The following TOM1L2 variants were observed in gnomAD, a reference collection of about 807,000 sequenced individuals.
TOM1L2 encodes the protein target of myb1 like 2 membrane trafficking protein.
Under a neutral mutation model 67.9 loss-of-function variants are expected in TOM1L2, and 31 were observed. The observed-to-expected ratio is 0.46, with a 90% CI of 0.34 to 0.62. TOM1L2 has a LOEUF of 0.62. TOM1L2 is among the 20% of genes least tolerant of loss of function. The pLI is 0.01. For missense variants in TOM1L2, 606 were observed against 663.5 expected, an observed-to-expected ratio of 0.91 and a Z score of 0.95; for synonymous variants, 256 against 254.0, an observed-to-expected ratio of 1.01 and a Z score of -0.07.
Position 17,898,507 on chromosome 17 carries a change from T to C in TOM1L2, c.216+89A>G, listed in dbSNP as rs2038687108. The C allele has an allele frequency of 2.2e-6, 3 of 1,349,226 alleles. No homozygotes were observed. The South Asian group carries it at 3.5e-5, about 16-fold the overall frequency. 83.6% of individuals were successfully genotyped at this position (1,349,226 alleles called of 1,614,324 possible). On this transcript the variant is annotated intron_variant, in intron 3 of 14. Transcript: ENST00000379504. ...CAAGCCATTCAGAGGTTGTGCTAAG[T>C]GGGCAGAGGGAAGGCCCTGTGAGGG...
At chr17:17,939,840 T>C (rs2040657347) in intron 1 of TOM1L2, among the ~76,000 whole-genome samples, 1 of 152,122 alleles carries the variant, frequency 6.6e-6, no homozygotes, top group African/African-American at 2.4e-5. Flanking sequence ...GAGTCCCCAT[T>C]ATGTAGGAGG....
At chr17:17,908,510 G>A (rs1233352354) in intron 1 of TOM1L2, among the ~76,000 whole-genome samples, 2 of 152,116 alleles carry the variant, frequency 1.3e-5, no homozygotes, top group Non-Finnish European at 2.9e-5. Flanking sequence ...ACCTGCAGAG[G>A]AAGAAAATAT....
chr17:17,950,025 C>T (rs932092315), intron 1 of TOM1L2, among the ~76,000 whole-genome samples: 3 of 151,872 alleles, frequency 2.0e-5, no homozygotes, highest in Non-Finnish European at 4.4e-5. Flanking sequence ...CGCCCACCAC[C>T]ATGCCTGGCT....
At chr17:17,896,134 T>C (rs1039434065) in intron 3 of TOM1L2, among the ~76,000 whole-genome samples, 1 of 152,078 alleles carries the variant, frequency 6.6e-6, no homozygotes, top group Admixed American at 6.5e-5. Context: ...ATTCACTCTC[T>C]TGTAGTGATC....
At chr17:17,876,012 T>C (rs1414518010) in intron 7 of TOM1L2, among the ~76,000 whole-genome samples, 1 of 152,258 alleles carries the variant, frequency 6.6e-6, no homozygotes, top group East Asian at 1.9e-4. Context: ...GCCTCTGTTA[T>C]TATCTTATGC....
rs534531332 is a variant in TOM1L2, at chr17:17,945,962, G to A, written c.52+26300C>T. Among the ~76,000 whole-genome samples the A allele has an allele frequency of 2.6e-5, 4 of 152,088 alleles. No individual in the cohort carries two copies. In the East Asian group the frequency reaches 5.8e-4, roughly 22 times the overall value. ...TGGCTCACTGCAGTCTCAACCTCCC[G>A]GGCTCAGGTGATCCTCCCACCTCAG... On this transcript the variant is annotated intron_variant, in intron 1 of 14. Coordinates refer to ENST00000379504, the MANE Select transcript of TOM1L2 (RefSeq NM_001082968.2).
intron 1 of TOM1L2, among the ~76,000 whole-genome samples, chr17:17,920,476 G>A (rs1423433316): frequency 6.6e-6 from 1 of 151,354 alleles, no homozygotes; most frequent in Non-Finnish European, 1.5e-5. Context: ...AAGCAGCTGG[G>A]ACTACATGTG....
At chr17:17,914,788 C>T (rs1282341571) in intron 1 of TOM1L2, among the ~76,000 whole-genome samples, 1 of 152,090 alleles carries the variant, frequency 6.6e-6, no homozygotes, top group Non-Finnish European at 1.5e-5. Flanking sequence ...AGAGCAGGGG[C>T]TTGGAGGCAC....
chr17:17,934,516 C>T (rs992072035), intron 1 of TOM1L2, among the ~76,000 whole-genome samples: 1 of 152,176 alleles, frequency 6.6e-6, no homozygotes, highest in Non-Finnish European at 1.5e-5. Flanking sequence ...GCCCCTGATA[C>T]GGTAACAATG....
At position 17,879,710 on chromosome 17, in the gene TOM1L2, G is replaced by C; in HGVS notation, c.694C>G (p.Arg232Gly). 1 of 1,614,182 alleles carries C rather than the reference G, an allele frequency of 6.2e-7. No individual in the cohort carries two copies. Among genetic ancestry groups the C allele is most frequent in the East Asian group, 2.2e-5 (1 of 44,888 alleles). ...ARLRSELDVVRGNTKVMSEML... is the reference protein window; with the variant it reads ...ARLRSELDVVGGNTKVMSEML... ...TCAGACATGACTTTTGTGTTTCCTC[G>C]AACGACGTCCAGTTCACTCCGCAGC... Residue 232 changes from arginine to glycine, a missense_variant, in exon 7 of 15, where the codon CGA becomes GGA. Arg to Gly is a moderately radical substitution (Grantham distance 125). Coordinates refer to ENST00000379504, the MANE Select transcript of TOM1L2 (RefSeq NM_001082968.2).
intron 8 of TOM1L2, among the ~76,000 whole-genome samples, chr17:17,867,474 G>A (rs2036920041): frequency 6.6e-6 from 1 of 152,198 alleles, no homozygotes; most frequent in Non-Finnish European, 1.5e-5. Flanking sequence ...CTAGGAGGGT[G>A]GAGTGAGTGT....
intron 7 of TOM1L2, chr17:17,872,169 A>G: frequency 2.7e-6 from 1 of 376,320 alleles, no homozygotes; most frequent in Non-Finnish European, 3.7e-6. Flanking sequence ...CACTCATTAC[A>G]GAATGAAGCA....
intron 1 of TOM1L2, among the ~76,000 whole-genome samples, chr17:17,951,441 G>C (rs1014280991): frequency 5.3e-5 from 8 of 152,184 alleles, no homozygotes; most frequent in African/African-American, 1.9e-4. Flanking sequence ...AGATTCTCAA[G>C]CCTCATGTGT....
intron 1 of TOM1L2, among the ~76,000 whole-genome samples, chr17:17,962,415 C>G (rs1597475706): frequency 6.6e-6 from 1 of 151,736 alleles, no homozygotes; most frequent in South Asian, 2.1e-4. Flanking sequence ...CCTCCTCTAG[C>G]AATTCTCCTG....
intron 8 of TOM1L2, among the ~76,000 whole-genome samples, chr17:17,867,298 T>C (rs2036905661): frequency 6.6e-6 from 1 of 152,014 alleles, no homozygotes; most frequent in South Asian, 2.1e-4. Context: ...AGCAACTAGC[T>C]AGTGTTCCTA....
At position 17,909,097 on chromosome 17, in the gene TOM1L2, C is replaced by T. The variant is rs548025932; in HGVS notation, c.53-1566G>A. On this transcript the variant is annotated intron_variant, in intron 1 of 14. Transcript: ENST00000379504. ...TCAGGAGGCTGAGGCAGGAGAATGG[C>T]GTAAACCCAGGAGGCGGAGCTTGCA... Among the ~76,000 whole-genome samples the T allele has an allele frequency of 7.2e-5, 11 of 152,258 alleles. 1 individual carries two copies. In the South Asian group the frequency reaches 1.0e-3, roughly 14 times the overall value.
At chr17:17,856,932 C>A (rs2036282030) in intron 12 of TOM1L2, among the ~76,000 whole-genome samples, 1 of 152,178 alleles carries the variant, frequency 6.6e-6, no homozygotes, top group East Asian at 1.9e-4. Flanking sequence ...GCTTTGTTTT[C>A]TTTTTACTCT....
At position 17,847,585 on chromosome 17, in the gene TOM1L2, C is replaced by A. The variant is rs372299180; in HGVS notation, c.*50G>T. 7.7e-6 allele frequency: 12 copies of A among 1,557,438 alleles called. No homozygotes were observed. The South Asian group carries it at 1.3e-4, about 17-fold the overall frequency. On this transcript the variant is annotated 3_prime_UTR_variant, in exon 15 of 15. Coordinates refer to ENST00000379504, the MANE Select transcript of TOM1L2 (RefSeq NM_001082968.2). ...AGGAGTGGCCAGTGCCCGGTGTCCA[C>A]GGGGTGCGAGCGGGGACCCGCCATC...
chr17:17,948,703 C>T (rs1313646572), intron 1 of TOM1L2, among the ~76,000 whole-genome samples: 1 of 151,504 alleles, frequency 6.6e-6, no homozygotes. Context: ...AGAGCACAGC[C>T]TTGCTGAGCA....
Sources: gnomAD v4.1 joint callset for allele counts (sites outside exome capture counted in the v4.1 genomes callset) on GRCh38, gnomAD v4.1.1 for gene constraint, MANE v1.5 for transcripts, NCBI Gene and HGNC (gene_info 2026-07-23, HGNC 2026-07-21) for gene names.